WWOX: variants seen among roughly 807,000 people sequenced by gnomAD.
The protein encoded by WWOX is WW domain-containing oxidoreductase.
A neutral mutation model predicts 46.2 loss-of-function variants in WWOX; 69 were observed. The observed-to-expected ratio is 1.49, with a 90% CI of 1.23 to 1.82. The LOEUF is 1.82. WWOX is among the 40% of genes most tolerant of loss of function. The pLI is 0.00. For synonymous variants in WWOX, 359 were observed against 202.6 expected (o/e 1.77, Z -6.56); for missense variants, 919 against 542.6 (o/e 1.69, Z -6.89).
intron 5 of WWOX, among the ~76,000 whole-genome samples, chr16:78,229,516 A>ATATATATC (rs2037182116): frequency 2.3e-5 from 1 of 42,798 alleles, no homozygotes; most frequent in African/African-American, 9.6e-5. Context: ...CTATATAGAG[A>ATATATATC]TATATATATA....
intron 8 of WWOX, among the ~76,000 whole-genome samples, chr16:79,122,540 C>T (rs1567564576): frequency 6.6e-6 from 1 of 150,712 alleles, no homozygotes; most frequent in Non-Finnish European, 1.5e-5. Flanking sequence ...TCTATCCTTC[C>T]TTTTTGTCCC....
chr16:78,261,788 C>CTATATATATA (rs71384369), intron 5 of WWOX, among the ~76,000 whole-genome samples: 61 of 73,726 alleles, frequency 8.3e-4, no homozygotes, highest in Non-Finnish European at 8.2e-4. Flanking sequence ...ATCTATCTAT[C>CTATATATATA]TATATATATA....
At chr16:79,029,324 A>G (rs2047708187) in intron 8 of WWOX, among the ~76,000 whole-genome samples, 1 of 152,224 alleles carries the variant, frequency 6.6e-6, no homozygotes, top group Non-Finnish European at 1.5e-5. Flanking sequence ...GACGCACATC[A>G]GCCATTAAGA....
intron 8 of WWOX, among the ~76,000 whole-genome samples, chr16:78,665,161 C>T (rs1268500671): frequency 1.3e-5 from 2 of 152,062 alleles, no homozygotes; most frequent in Non-Finnish European, 2.9e-5. Flanking sequence ...GGTCCGGGTT[C>T]CTGGAGTAGG....
At chr16:78,495,657 C>T (rs1042680449) in intron 8 of WWOX, among the ~76,000 whole-genome samples, 3 of 151,568 alleles carry the variant, frequency 2.0e-5, no homozygotes, top group Admixed American at 6.6e-5. Context: ...TACAGGCCAA[C>T]GCCACGGCAC....
intron 8 of WWOX, among the ~76,000 whole-genome samples, chr16:79,111,805 T>A (rs186589760): frequency 2.3e-4 from 35 of 152,260 alleles, no homozygotes; most frequent in Non-Finnish European, 4.7e-4. Context: ...GACCACACCA[T>A]CCCATGAGCC....
intron 8 of WWOX, among the ~76,000 whole-genome samples, chr16:78,637,688 C>G (rs897091090): frequency 2.0e-5 from 3 of 152,200 alleles, no homozygotes; most frequent in Admixed American, 6.5e-5. Flanking sequence ...GGGCTCAGAG[C>G]TAAGCGCGGA....
intron 8 of WWOX, among the ~76,000 whole-genome samples, chr16:79,030,721 G>A (rs1382262105): frequency 2.0e-5 from 3 of 152,010 alleles, no homozygotes; most frequent in Non-Finnish European, 2.9e-5. Context: ...TCTACCCTCC[G>A]GTTGTTTGTG....
intron 8 of WWOX, among the ~76,000 whole-genome samples, chr16:78,978,216 C>T (rs539596876): frequency 6.6e-6 from 1 of 152,264 alleles, no homozygotes; most frequent in East Asian, 1.9e-4. Flanking sequence ...TATATTGATA[C>T]CACAGTTGGT....
chr16:78,799,639 G>A (rs1259112861), intron 8 of WWOX, among the ~76,000 whole-genome samples: 2 of 151,980 alleles, frequency 1.3e-5, no homozygotes, highest in African/African-American at 2.4e-5. Context: ...CCTGAACCTT[G>A]GAGCTCATGT....
chr16:78,237,163 G>T (rs915529646), intron 5 of WWOX, among the ~76,000 whole-genome samples: 3 of 151,362 alleles, frequency 2.0e-5, no homozygotes, highest in Non-Finnish European at 4.4e-5. Flanking sequence ...ATGATTCAAA[G>T]TCTGACTGAT....
At chr16:78,575,231 G>T (rs941782051) in intron 8 of WWOX, among the ~76,000 whole-genome samples, 1 of 147,396 alleles carries the variant, frequency 6.8e-6, no homozygotes, top group Non-Finnish European at 1.5e-5. Context: ...TGTCCCTGGA[G>T]GTGAGGGCCA....
At chr16:78,423,077 G>A (rs149032128) in intron 6 of WWOX, among the ~76,000 whole-genome samples, 2,257 of 151,792 alleles carry the variant, frequency 0.015, 52 homozygotes, top group African/African-American at 0.052. Flanking sequence ...GTAGAGATGG[G>A]GGTTTCACCA....
At chr16:78,605,408 C>G (rs1165816413) in intron 8 of WWOX, among the ~76,000 whole-genome samples, 1 of 151,210 alleles carries the variant, frequency 6.6e-6, no homozygotes, top group East Asian at 2.0e-4. Context: ...GGGCTCATGT[C>G]AAGGGAGGGA....
chr16:78,952,924 G>A (rs1038863861), intron 8 of WWOX, among the ~76,000 whole-genome samples: 1 of 152,172 alleles, frequency 6.6e-6, no homozygotes, highest in Non-Finnish European at 1.5e-5. Flanking sequence ...GAAACCTGAA[G>A]CTGGCTCAGA....
chr16:78,828,074 A>G (rs1250795756), intron 8 of WWOX, among the ~76,000 whole-genome samples: 2 of 152,140 alleles, frequency 1.3e-5, no homozygotes, highest in African/African-American at 2.4e-5. Context: ...TGGTGTGTCT[A>G]TTAGCTCCTC....
chr16:78,222,468 A>T (rs1891457060), intron 5 of WWOX, among the ~76,000 whole-genome samples: 1 of 152,124 alleles, frequency 6.6e-6, no homozygotes, highest in African/African-American at 2.4e-5. Flanking sequence ...GGAGAAAAAA[A>T]TGACAGTATG....
intron 8 of WWOX, among the ~76,000 whole-genome samples, chr16:79,189,648 C>G (rs936695188): frequency 6.6e-6 from 1 of 151,978 alleles, no homozygotes; most frequent in Non-Finnish European, 1.5e-5. Flanking sequence ...AATTTCTGTT[C>G]TAATCTAAGG....
intron 5 of WWOX, among the ~76,000 whole-genome samples, chr16:78,326,140 A>G (rs2080608538): frequency 1.3e-5 from 2 of 152,174 alleles, no homozygotes; most frequent in African/African-American, 4.8e-5. Context: ...TTTGTACTCA[A>G]CCATTAAATT....
Sources: gnomAD v4.1 joint callset for allele counts (sites outside exome capture counted in the v4.1 genomes callset) on GRCh38, gnomAD v4.1.1 for gene constraint, MANE v1.5 for transcripts, NCBI Gene and HGNC (gene_info 2026-07-23, HGNC 2026-07-21) for gene names.